The following PYGB variants were observed in gnomAD, a reference collection of about 807,000 sequenced individuals.
The protein encoded by PYGB is glycogen phosphorylase B.
A neutral mutation model predicts 94.3 loss-of-function variants in PYGB; 82 were observed. That is an observed-to-expected ratio of 0.87 (90% confidence interval 0.73 to 1.04). The LOEUF (loss-of-function observed/expected upper bound fraction) is 1.04, where lower values mean the gene tolerates loss of function less well. Among genes scored for constraint, PYGB ranks in the 50% least tolerant of loss-of-function variants. PYGB has a pLI of 0.00. For missense variants in PYGB, 1,132 were observed against 1,158.2 expected, an observed-to-expected ratio of 0.98 and a Z score of 0.33; for synonymous variants, 488 against 479.1, an observed-to-expected ratio of 1.02 and a Z score of -0.24.
At chr20:25,254,599 A>G (rs77769033) in intron 1 of PYGB, among the ~76,000 whole-genome samples, 9,898 of 152,258 alleles carry the variant, frequency 0.065, 992 homozygotes, top group African/African-American at 0.22. Context: ...AATTTTAGGT[A>G]TAGGTAAGTG....
intron 16 of PYGB, among the ~76,000 whole-genome samples, chr20:25,291,739 G>C (rs2088469439): frequency 1.3e-5 from 2 of 152,106 alleles, no homozygotes; most frequent in Non-Finnish European, 1.5e-5. Context: ...CAGGCCTTCA[G>C]GCACCTGGTC....
rs2123572059 is a variant in PYGB at position 25,280,536 on chromosome 20, G to GCTTGGGGCTGGGGGCTGTCC, written c.1239+130_1239+149dup. On this transcript the variant is annotated intron_variant, in intron 10 of 19. Coordinates refer to ENST00000216962, the MANE Select transcript of PYGB (RefSeq NM_002862.4). ...AGGCACCCTCTGTTCAGCAGAGGATGCTTGGGGCTGGGGGCTGTCCCTTGG... is the reference window on the plus strand; with the variant it reads ...AGGCACCCTCTGTTCAGCAGAGGATGCTTGGGGCTGGGGGCTGTCCCTTGGGGCTGGGGGCTGTCCCTTGG... The GCTTGGGGCTGGGGGCTGTCC allele has an allele frequency of 6.0e-6, 8 of 1,341,006 alleles. No homozygotes were observed. The South Asian group carries it at 9.6e-5, about 16-fold the overall frequency. 83.1% of individuals were successfully genotyped at this position (1,341,006 alleles called of 1,614,324 possible). A position where few individuals can be genotyped will look rare whatever the true frequency, so the allele number is the denominator to read the frequency against.
chr20:25,292,703 G>A (rs1039647202), intron 17 of PYGB, 90 bp downstream of exon 17: 91 of 1,453,160 alleles, frequency 6.3e-5, no homozygotes, highest in Non-Finnish European at 7.7e-5. Flanking sequence ...TGGGCTCTTG[G>A]GGCCAGGCCA....
At chr20:25,280,818 A>G in intron 10 of PYGB, 131 bp from the exon 11 acceptor site, 1 of 1,230,340 alleles carries the variant, frequency 8.1e-7, no homozygotes, top group Non-Finnish European at 1.1e-6. Flanking sequence ...TGGCTGTCAC[A>G]GCCCCAGAAC....
Position 25,282,048 on chromosome 20 carries a change from T to G in PYGB, c.1419T>G (p.Tyr473Ter), listed in dbSNP as rs1381267703. The change falls in exon 12 of 20, where the codon TAT becomes TAG. Residue 473 changes from tyrosine (Y) to a stop codon, truncating the protein, a stop_gained. Coordinates refer to ENST00000216962, the MANE Select transcript of PYGB (RefSeq NM_002862.4). LOFTEE classifies it high-confidence loss of function. Reference sequence around the variant, plus strand: ...GTGTTTGCAGCTTTAAGGATTTTTATGAACTGGAGCCAGAGAAGTTCCAGA... The same window carrying G: ...GTGTTTGCAGCTTTAAGGATTTTTAGGAACTGGAGCCAGAGAAGTTCCAGA... ...IVKQSVFKDF[Y>*]ELEPEKFQNK... The G allele has an allele frequency of 6.2e-7, 1 of 1,613,546 alleles. No homozygotes were observed. Among genetic ancestry groups the G allele is most frequent in the East Asian group, 2.2e-5 (1 of 44,878 alleles).
chr20:25,266,526 G>A (rs1332073164), intron 2 of PYGB, among the ~76,000 whole-genome samples: 2 of 151,840 alleles, frequency 1.3e-5, no homozygotes, highest in South Asian at 2.1e-4. Context: ...CCCAAGCAAC[G>A]AAAGAAAAAA....
chr20:25,261,809 T>G (rs1370360413), intron 2 of PYGB, among the ~76,000 whole-genome samples: 3 of 152,098 alleles, frequency 2.0e-5, no homozygotes, highest in Non-Finnish European at 4.4e-5. Context: ...CTGAAAACCA[T>G]GGCACGAGAA....
intron 2 of PYGB, among the ~76,000 whole-genome samples, chr20:25,268,076 G>A (rs369078673): frequency 6.7e-6 from 1 of 149,992 alleles, no homozygotes; most frequent in Admixed American, 6.7e-5. Context: ...CATAAACTTA[G>A]AAGTTTTCTG....
chr20:25,270,493 C>T (rs1289118824), intron 3 of PYGB, among the ~76,000 whole-genome samples: 3 of 152,206 alleles, frequency 2.0e-5, no homozygotes, highest in Non-Finnish European at 2.9e-5. Flanking sequence ...TGAGCCACCA[C>T]GCCCAGCCAA....
intron 16 of PYGB, among the ~76,000 whole-genome samples, chr20:25,290,877 G>A (rs757518618): frequency 1.3e-5 from 2 of 151,978 alleles, no homozygotes; most frequent in African/African-American, 2.4e-5. Flanking sequence ...TTACTGCCGC[G>A]CCTGCCTGGC....
chr20:25,275,799 GC>G (rs1384123926), intron 5 of PYGB, among the ~76,000 whole-genome samples: 2 of 152,152 alleles, frequency 1.3e-5, no homozygotes, highest in African/African-American at 4.8e-5. Flanking sequence ...GGGACTTGTC[GC>G]TCACTTGGGT....
At chr20:25,253,142 G>A (rs2092893009) in intron 1 of PYGB, among the ~76,000 whole-genome samples, 1 of 152,224 alleles carries the variant, frequency 6.6e-6, no homozygotes, top group Non-Finnish European at 1.5e-5. Flanking sequence ...CTCCCATGGG[G>A]GAAGGCCTTG....
intron 19 of PYGB, 74 bp from the exon 20 acceptor site, chr20:25,296,296 G>C: frequency 6.4e-7 from 1 of 1,565,638 alleles, no homozygotes. Flanking sequence ...CAGTCCTAAA[G>C]TTCTGGAATC....
intron 16 of PYGB, 79 bp from the exon 17 acceptor site, chr20:25,292,327 G>C: frequency 6.6e-7 from 1 of 1,518,008 alleles, no homozygotes; most frequent in East Asian, 2.3e-5. Flanking sequence ...TGGATGGGCC[G>C]GCTTGTCCTG....
intron 5 of PYGB, among the ~76,000 whole-genome samples, chr20:25,275,994 G>T (rs2088307825): frequency 1.3e-5 from 2 of 152,352 alleles, no homozygotes; most frequent in East Asian, 3.9e-4. Flanking sequence ...GGGGAGCTGG[G>T]ACCACAGGTG....
intron 11 of PYGB, 103 bp downstream of exon 11, chr20:25,281,215 C>T (rs2088364419): frequency 2.8e-6 from 4 of 1,434,900 alleles, no homozygotes; most frequent in African/African-American, 1.4e-5. Flanking sequence ...TAGCATACAA[C>T]CTGTGCCACT....
intron 2 of PYGB, among the ~76,000 whole-genome samples, chr20:25,261,360 A>G (rs2092913077): frequency 6.6e-6 from 1 of 152,326 alleles, no homozygotes; most frequent in South Asian, 2.1e-4. Context: ...GGTGATACCC[A>G]GGCAAACAGG....
intron 17 of PYGB, among the ~76,000 whole-genome samples, chr20:25,293,371 C>A (rs2088491396): frequency 6.6e-6 from 1 of 152,228 alleles, no homozygotes; most frequent in African/African-American, 2.4e-5. Context: ...GCCGTCAGGT[C>A]TCCCCAGTGT....
At chr20:25,267,820 C>T (rs569081856) in intron 2 of PYGB, among the ~76,000 whole-genome samples, 11 of 152,144 alleles carry the variant, frequency 7.2e-5, no homozygotes, top group African/African-American at 2.2e-4. Context: ...CTTGAGCCAC[C>T]GCACCCAGCC....
Sources: gnomAD v4.1 joint callset for allele counts (sites outside exome capture counted in the v4.1 genomes callset) on GRCh38, gnomAD v4.1.1 for gene constraint, MANE v1.5 for transcripts, NCBI Gene and HGNC (gene_info 2026-07-23, HGNC 2026-07-21) for gene names.